The following ACTR3C variants were observed in gnomAD, a reference collection of about 807,000 sequenced individuals.
The protein encoded by ACTR3C is actin-related protein 3C.
Under a neutral mutation model 26.3 loss-of-function variants are expected in ACTR3C, and 18 were observed. The observed-to-expected ratio is 0.68, with a 90% CI of 0.47 to 1.01. ACTR3C has a LOEUF of 1.01. Ranked by LOEUF, ACTR3C falls within the 50% of genes least tolerant of loss-of-function variation. The pLI, the probability that ACTR3C is intolerant of heterozygous loss-of-function variation, is 0.00. For synonymous variants in ACTR3C, 55 were observed against 94.5 expected, an observed-to-expected ratio of 0.58 and a Z score of 2.42; for missense variants, 184 against 250.7, an observed-to-expected ratio of 0.73 and a Z score of 1.80.
At chr7:150,199,337 G>A in the ACTR3C span, among the ~76,000 whole-genome samples, 1 of 124,176 alleles carries the variant, frequency 8.1e-6, no homozygotes, top group Non-Finnish European at 1.6e-5. Flanking sequence ...AACATGTGCT[G>A]TGTCCACTCA....
chr7:149,897,081 A>C, the ACTR3C span, among the ~76,000 whole-genome samples: 1 of 151,254 alleles, frequency 6.6e-6, no homozygotes. Flanking sequence ...AAAAAAAAAA[A>C]ACAAGAGCTA....
chr7:149,911,376 G>A, the ACTR3C span, among the ~76,000 whole-genome samples: 2 of 151,396 alleles, frequency 1.3e-5, no homozygotes, highest in African/African-American at 4.9e-5. Flanking sequence ...CACACTGTTA[G>A]ACTATGAGTT....
At chr7:150,310,004 C>A (rs113173588) in intron 1 of ACTR3C, among the ~76,000 whole-genome samples, 1 of 152,104 alleles carries the variant, frequency 6.6e-6, no homozygotes, top group African/African-American at 2.4e-5. Context: ...TGGGTATTGA[C>A]GGCCAAGCTT....
chr7:150,188,509 T>C, the ACTR3C span, among the ~76,000 whole-genome samples: 5 of 151,736 alleles, frequency 3.3e-5, no homozygotes, highest in South Asian at 1.0e-3. Context: ...TAAAGGAATG[T>C]CTAACTTTAC....
At chr7:150,068,559 G>T in the ACTR3C span, among the ~76,000 whole-genome samples, 1 of 151,810 alleles carries the variant, frequency 6.6e-6, no homozygotes, top group African/African-American at 2.4e-5. Context: ...AGGATCACAA[G>T]GTCAGGAGAT....
the ACTR3C span, among the ~76,000 whole-genome samples, chr7:150,053,669 C>T: frequency 6.6e-6 from 1 of 152,160 alleles, no homozygotes; most frequent in Non-Finnish European, 1.5e-5. Flanking sequence ...AAGATAGGGT[C>T]AGTCAAATGC....
chr7:149,941,004 A>C, the ACTR3C span, among the ~76,000 whole-genome samples: 1 of 152,118 alleles, frequency 6.6e-6, no homozygotes, highest in African/African-American at 2.4e-5. Context: ...TAAGACAACC[A>C]TTGGGAGTAC....
At chr7:150,193,997 C>G in the ACTR3C span, among the ~76,000 whole-genome samples, 278 of 144,128 alleles carry the variant, frequency 1.9e-3, 3 homozygotes, top group African/African-American at 7.3e-3. Flanking sequence ...CACAGACACA[C>G]ACACACACAC....
the ACTR3C span, among the ~76,000 whole-genome samples, chr7:150,079,299 G>A: frequency 1.3e-5 from 2 of 152,162 alleles, no homozygotes; most frequent in Non-Finnish European, 2.9e-5. Context: ...ACATATGGCT[G>A]CAGGACTTGG....
At chr7:150,124,801 T>C in the ACTR3C span, among the ~76,000 whole-genome samples, 1 of 152,202 alleles carries the variant, frequency 6.6e-6, no homozygotes, top group Non-Finnish European at 1.5e-5. Context: ...AGAATGATAG[T>C]AAATGAAATT....
chr7:150,007,748 A>G, the ACTR3C span, among the ~76,000 whole-genome samples: 1 of 151,894 alleles, frequency 6.6e-6, no homozygotes, highest in East Asian at 1.9e-4. Context: ...GCCTCTGATT[A>G]GTGCAAGTCA....
At chr7:150,172,656 T>C in the ACTR3C span, among the ~76,000 whole-genome samples, 1 of 150,294 alleles carries the variant, frequency 6.7e-6, no homozygotes, top group Admixed American at 6.6e-5. Context: ...ATTTCGGTAT[T>C]AACCCAAAAG....
chr7:150,251,799 G>C (rs1832868639), intron 6 of ACTR3C, among the ~76,000 whole-genome samples: 1 of 151,996 alleles, frequency 6.6e-6, no homozygotes, highest in African/African-American at 2.4e-5. Flanking sequence ...AAAGCCATTA[G>C]GTTTTTGTTT....
intron 6 of ACTR3C, among the ~76,000 whole-genome samples, chr7:150,261,653 G>T (rs1489486379): frequency 1.3e-5 from 2 of 152,164 alleles, no homozygotes; most frequent in Non-Finnish European, 2.9e-5. Flanking sequence ...GGTGAGCAGA[G>T]ATCACGCCAT....
chr7:150,149,079 GTATATATATATATATATATATATATA>G, the ACTR3C span, among the ~76,000 whole-genome samples: 960 of 93,152 alleles, frequency 0.01, 32 homozygotes, highest in African/African-American at 0.034. Context: ...TAAAGTTTGA[GTATATATATATATATATATATATATA>G]TATATATATA....
the ACTR3C span, among the ~76,000 whole-genome samples, chr7:150,042,078 C>T: frequency 2.1e-5 from 2 of 94,760 alleles, no homozygotes; most frequent in Non-Finnish European, 4.6e-5. Flanking sequence ...GAGGGTCTGG[C>T]TCTCAGTCCC....
the ACTR3C span, among the ~76,000 whole-genome samples, chr7:150,164,196 G>A: frequency 6.6e-6 from 1 of 152,206 alleles, no homozygotes; most frequent in Admixed American, 6.5e-5. Context: ...TGCTCTCACA[G>A]ACGTGGAACC....
At chr7:150,193,136 T>C in the ACTR3C span, among the ~76,000 whole-genome samples, 2 of 152,194 alleles carry the variant, frequency 1.3e-5, no homozygotes. Flanking sequence ...AGTAAGCCTT[T>C]ACTAAATTTT....
chr7:150,256,193 G>A (rs1225291332), intron 6 of ACTR3C, among the ~76,000 whole-genome samples: 1 of 152,206 alleles, frequency 6.6e-6, no homozygotes, highest in African/African-American at 2.4e-5. Context: ...TCTAGGTTGA[G>A]TCCATGTCTT....
Sources: allele counts gnomAD v4.1 joint callset (sites outside exome capture counted in the v4.1 genomes callset), GRCh38; gene constraint gnomAD v4.1.1; transcripts MANE v1.5; gene names NCBI Gene and HGNC (gene_info 2026-07-23, HGNC 2026-07-21).